The following FARS2 variants were observed in gnomAD, a reference collection of about 807,000 sequenced individuals.
The protein encoded by FARS2 is phenylalanine--tRNA ligase, mitochondrial.
In FARS2, 40 loss-of-function variants were observed where a neutral mutation model predicts 46.4. The observed-to-expected ratio is 0.86, with a 90% CI of 0.67 to 1.12. FARS2 has a LOEUF of 1.12. FARS2 is among the 50% of genes most tolerant of loss of function. The probability of loss-of-function intolerance (pLI) is 0.00; values close to 1 mark genes in which losing one functional copy is unlikely to be tolerated. For synonymous variants in FARS2, 234 were observed against 214.9 expected (o/e 1.09, Z -0.78); for missense variants, 513 against 567.9 (o/e 0.90, Z 0.98).
chr6:5,279,508 T>G (rs1766577297), intron 1 of FARS2, among the ~76,000 whole-genome samples: 1 of 150,706 alleles, frequency 6.6e-6, no homozygotes. Context: ...TGTATTCGTT[T>G]GGCTAGTTTC....
At chr6:5,539,119 C>G (rs536073517) in intron 4 of FARS2, among the ~76,000 whole-genome samples, 1 of 151,978 alleles carries the variant, frequency 6.6e-6, no homozygotes, top group Non-Finnish European at 1.5e-5. Context: ...CCTGGAGTCA[C>G]GCATATCCCC....
chr6:5,451,299 A>G (rs1420439880), intron 4 of FARS2, among the ~76,000 whole-genome samples: 1 of 152,126 alleles, frequency 6.6e-6, no homozygotes, highest in Non-Finnish European at 1.5e-5. Flanking sequence ...TGTGCTTTGA[A>G]GGAATTAATC....
chr6:5,280,667 C>G (rs1766655006), intron 1 of FARS2, among the ~76,000 whole-genome samples: 1 of 151,534 alleles, frequency 6.6e-6, no homozygotes, highest in East Asian at 1.9e-4. Flanking sequence ...AGTTTACTTC[C>G]TCAGATAGGC....
intron 1 of FARS2, among the ~76,000 whole-genome samples, chr6:5,340,843 A>G (rs1581824582): frequency 1.3e-5 from 2 of 151,954 alleles, no homozygotes; most frequent in South Asian, 4.2e-4. Flanking sequence ...GACAGGGAAT[A>G]GAAGACACAA....
At chr6:5,544,813 T>G (rs2326613) in intron 4 of FARS2, among the ~76,000 whole-genome samples, 110,566 of 152,080 alleles carry the variant, frequency 0.73, 40,881 homozygotes, top group East Asian at 0.99. Context: ...AGAGACCGTC[T>G]TTTCTTTCCA....
At chr6:5,719,623 TC>T (rs1759758938) in intron 6 of FARS2, among the ~76,000 whole-genome samples, 2 of 152,076 alleles carry the variant, frequency 1.3e-5, no homozygotes, top group African/African-American at 4.8e-5. Flanking sequence ...CTCTGGGGCC[TC>T]ACACAAAGAT....
rs954584336 is a variant in FARS2 at position 5,554,243 on chromosome 6, T to G, written c.1065+8903T>G. On this transcript the variant is annotated intron_variant, in intron 5 of 6. Transcript: ENST00000274680. ...CACATTTTTAAAAATTATACTTAAG[T>G]CAGAGATTTGCTTGTGCATGTTAAT... is the stretch of plus-strand genomic sequence containing the variant. Among the ~76,000 whole-genome samples, 3 of 152,202 alleles carry G rather than the reference T, an allele frequency of 2.0e-5. No individual in the cohort carries two copies. In the East Asian group the frequency reaches 5.8e-4, roughly 29 times the overall value.
chr6:5,297,621 C>T (rs1767984734), intron 1 of FARS2, among the ~76,000 whole-genome samples: 3 of 151,726 alleles, frequency 2.0e-5, no homozygotes, highest in South Asian at 4.2e-4. Flanking sequence ...GCACTCCAGC[C>T]CGGGCAACAA....
chr6:5,498,676 C>T (rs550354150), intron 4 of FARS2, among the ~76,000 whole-genome samples: 63 of 152,194 alleles, frequency 4.1e-4, no homozygotes, highest in African/African-American at 1.5e-3. Context: ...ATGACTAACT[C>T]CTCTATACCT....
At chr6:5,396,959 A>G (rs1760942807) in intron 2 of FARS2, among the ~76,000 whole-genome samples, 1 of 152,200 alleles carries the variant, frequency 6.6e-6, no homozygotes, top group African/African-American at 2.4e-5. Flanking sequence ...ATCACCACAC[A>G]CAAACCATCC....
At chr6:5,312,611 G>C (rs1769158994) in intron 1 of FARS2, among the ~76,000 whole-genome samples, 1 of 152,206 alleles carries the variant, frequency 6.6e-6, no homozygotes, top group Non-Finnish European at 1.5e-5. Context: ...GTGTGTGTTA[G>C]AAAGTGCAGG....
intron 1 of FARS2, among the ~76,000 whole-genome samples, chr6:5,336,831 C>G (rs1379265021): frequency 6.6e-6 from 1 of 151,898 alleles, no homozygotes; most frequent in Non-Finnish European, 1.5e-5. Context: ...TCTTTTTCAC[C>G]CTTGCAAGTT....
intron 1 of FARS2, among the ~76,000 whole-genome samples, chr6:5,360,600 C>T (rs918491265): frequency 1.4e-4 from 21 of 152,214 alleles, no homozygotes; most frequent in African/African-American, 4.8e-4. Context: ...TCCAAGCTGG[C>T]TTCCTGGTGA....
chr6:5,680,905 AC>A (rs1201070158), intron 6 of FARS2, among the ~76,000 whole-genome samples: 2 of 152,246 alleles, frequency 1.3e-5, no homozygotes, highest in Non-Finnish European at 2.9e-5. Context: ...GTTTTACCTC[AC>A]CAGTAATCAA....
At chr6:5,691,346 G>T (rs1366741740) in intron 6 of FARS2, among the ~76,000 whole-genome samples, 1 of 152,120 alleles carries the variant, frequency 6.6e-6, no homozygotes, top group Non-Finnish European at 1.5e-5. Context: ...TTTGATGATG[G>T]TGACGTACAG....
chr6:5,330,863 T>A (rs1770751863), intron 1 of FARS2, among the ~76,000 whole-genome samples: 1 of 152,074 alleles, frequency 6.6e-6, no homozygotes, highest in African/African-American at 2.4e-5. Context: ...CCTAGCACTT[T>A]GGGAGGCCAA....
Position 5,613,252 on chromosome 6 carries a change from C to T in FARS2, c.1149C>T (p.Asp383=), listed in dbSNP as rs1444597375. 1 of 1,613,232 alleles carries T rather than the reference C, an allele frequency of 6.2e-7. No individual in the cohort carries two copies. Among genetic ancestry groups the T allele is most frequent in the Admixed American group, 1.7e-5 (1 of 59,972 alleles). ...ATTACGCAGAAAATGATTTCTATGACTTAGTCCGAACAATTGGAGGAGACC... is the reference window on the plus strand; with the variant it reads ...ATTACGCAGAAAATGATTTCTATGATTTAGTCCGAACAATTGGAGGAGACC... ...SENYAENDFY[D]LVRTIGGDLV... is the part of the protein sequence containing the mutation. The change falls in exon 6 of 7, where the codon GAC becomes GAT. Residue 383 remains aspartate, a synonymous_variant. Transcript: ENST00000274680.
chr6:5,539,866 G>A (rs750153339), intron 4 of FARS2, among the ~76,000 whole-genome samples: 1 of 152,018 alleles, frequency 6.6e-6, no homozygotes, highest in Non-Finnish European at 1.5e-5. Context: ...GCCTCCCCTC[G>A]CCGTGTTCTG....
intron 6 of FARS2, among the ~76,000 whole-genome samples, chr6:5,688,957 C>T (rs1308261401): frequency 6.6e-6 from 1 of 152,164 alleles, no homozygotes; most frequent in Non-Finnish European, 1.5e-5. Flanking sequence ...GGAATTTATC[C>T]ATTGCTTCTA....
Sources: allele counts gnomAD v4.1 joint callset (sites outside exome capture counted in the v4.1 genomes callset), GRCh38; gene constraint gnomAD v4.1.1; transcripts MANE v1.5; gene names NCBI Gene and HGNC (gene_info 2026-07-23, HGNC 2026-07-21).